The following DOC2A variants were observed in gnomAD, a reference collection of about 807,000 sequenced individuals.
The protein encoded by DOC2A is double C2 domain alpha, also known as double C2-like domain-containing protein alpha.
Under a neutral mutation model 40.6 loss-of-function variants are expected in DOC2A, and 28 were observed. The observed-to-expected ratio is 0.69, with a 90% CI of 0.51 to 0.95. DOC2A has a LOEUF of 0.95. Among genes scored for constraint, DOC2A ranks in the 40% least tolerant of loss-of-function variants. The pLI is 0.00. For missense variants in DOC2A, 474 were observed against 552.5 expected (o/e 0.86, Z 1.42); for synonymous variants, 241 against 236.9 (o/e 1.02, Z -0.16).
chr16:30,008,783 GGT>G, intron 5 of DOC2A: 1 of 549,182 alleles, frequency 1.8e-6, no homozygotes, highest in Non-Finnish European at 3.3e-6. Flanking sequence ...TGGGATTACA[GGT>G]GTGAGCCACC....
chr16:30,020,610 C>T (rs754119682), intron 1 of DOC2A, among the ~76,000 whole-genome samples: 8 of 151,900 alleles, frequency 5.3e-5, no homozygotes, highest in South Asian at 2.1e-4. Context: ...TAGGAGGCCG[C>T]GGAGGGCAGA....
upstream of DOC2A, among the ~76,000 whole-genome samples, chr16:30,014,710 C>T (rs927117991): frequency 2.0e-5 from 3 of 151,204 alleles, no homozygotes; most frequent in African/African-American, 4.9e-5. Context: ...GAGGCCGAGG[C>T]GGGAGGATCA....
upstream of DOC2A, among the ~76,000 whole-genome samples, chr16:30,013,297 G>A (rs1283332034): frequency 7.5e-6 from 1 of 132,480 alleles, no homozygotes. Flanking sequence ...ATGGAGTCTC[G>A]CTCTGTCGCC....
At chr16:30,016,438 T>C (rs1235727282), upstream of DOC2A, among the ~76,000 whole-genome samples, 2 of 152,038 alleles carry the variant, frequency 1.3e-5, no homozygotes, top group East Asian at 1.9e-4. Context: ...CACAGTGCAG[T>C]GTGAAAGCCG....
chr16:30,013,777 C>T (rs977038760), upstream of DOC2A, among the ~76,000 whole-genome samples: 3 of 149,802 alleles, frequency 2.0e-5, no homozygotes, highest in Non-Finnish European at 3.0e-5. Context: ...TGCAATGGTG[C>T]GATCTTGGCT....
intron 7 of DOC2A, 27 bp downstream of exon 7, chr16:30,007,004 C>A: frequency 6.2e-7 from 1 of 1,613,858 alleles, no homozygotes; most frequent in Admixed American, 1.7e-5. Flanking sequence ...CACCCACATG[C>A]ATCCCCATCC....
chr16:30,018,128 A>T (rs1480072915), intron 1 of DOC2A, among the ~76,000 whole-genome samples: 1 of 130,658 alleles, frequency 7.7e-6, no homozygotes, highest in Non-Finnish European at 1.7e-5. Context: ...AAAAAAAAAA[A>T]ACTTAGCTGG....
rs2070762000 is a variant in DOC2A at position 30,010,962 on chromosome 16, C to CCCA, written c.-74_-73insTGG. 11 of 1,010,830 alleles carry CCCA rather than the reference C, an allele frequency of 1.1e-5. No homozygotes were observed. In the South Asian group the frequency reaches 3.2e-4, roughly 30 times the overall value. 62.6% of individuals were successfully genotyped at this position (1,010,830 alleles called of 1,614,324 possible). ...ACGGCGGGCGCAGGCTGGGCGGCGG[C>CCCA]GGCCGGCGAGGAGAGCGCGGAGTCG... On this transcript the variant is annotated 5_prime_UTR_variant, in exon 1 of 11. Transcript: ENST00000350119. The surrounding 1 kb of genome is among the most constrained non-coding windows in gnomAD (Gnocchi z 4.2).
At position 30,010,966 on chromosome 16, in the gene DOC2A, C is replaced by G; in HGVS notation, c.-77G>C. 1 of 1,009,854 alleles carries G rather than the reference C, an allele frequency of 9.9e-7. No homozygotes were observed. The highest frequency in any genetic ancestry group is 1.2e-6 in the Non-Finnish European group (1 of 844,996). The allele number at this position is 1,009,854 out of a possible 1,614,324, so 62.6% of individuals were successfully genotyped here. A position where few individuals can be genotyped will look rare whatever the true frequency, so the allele number is the denominator to read the frequency against. ...CGGGCGCAGGCTGGGCGGCGGCGGC[C>G]GGCGAGGAGAGCGCGGAGTCGAGCT... On this transcript the variant is annotated 5_prime_UTR_variant, in exon 1 of 11. Transcript: ENST00000350119. This position sits in a 1 kb window ranked among gnomAD's most constrained non-coding sequence, Gnocchi z 4.2.
upstream of DOC2A, chr16:30,011,326 T>C (rs2070774934): frequency 3.1e-6 from 3 of 982,304 alleles, no homozygotes; most frequent in South Asian, 1.4e-4. Flanking sequence ...GCTGGCACAC[T>C]TACCCGGAGA....
In DOC2A at chr16:30,010,672, C is replaced by T. The variant is rs1423509201; in HGVS notation, c.-14+231G>A. Among the ~76,000 whole-genome samples the T allele has an allele frequency of 2.0e-5, 3 of 152,176 alleles. No homozygotes were observed. Among genetic ancestry groups the T allele is most frequent in the Admixed American group, 6.5e-5 (1 of 15,288 alleles). On this transcript the variant is annotated intron_variant, in intron 1 of 10. Transcript: ENST00000350119. The surrounding 1 kb of genome is among the most constrained non-coding windows in gnomAD (Gnocchi z 4.2). Reference sequence around the variant, plus strand: ...AGGGTGTCACCCACCCCTCTAGGCTCCAACTGCCCACTGTCCCCTCATTCA... The same window carrying T: ...AGGGTGTCACCCACCCCTCTAGGCTTCAACTGCCCACTGTCCCCTCATTCA...
chr16:30,006,353 T>G lies in DOC2A; in HGVS notation c.1058-22A>C, dbSNP rs765050481. ...CCACCTGGGGAGCAGGTGGGCAGGG[T>G]CAGGGCCACCTCCCTGCCACTTGCC... On this transcript the variant is annotated intron_variant, in intron 10 of 10. Coordinates refer to ENST00000350119, the MANE Select transcript of DOC2A (RefSeq NM_003586.3). This position sits in a 1 kb window ranked among gnomAD's most constrained non-coding sequence, Gnocchi z 6.2. 49 of 1,612,142 alleles carry G rather than the reference T, an allele frequency of 3.0e-5. No homozygotes were observed. Among genetic ancestry groups the G allele is most frequent in the East Asian group, 8.9e-5 (4 of 44,802 alleles).
chr16:30,009,598 A>T lies in DOC2A; in HGVS notation c.263-41T>A. ...AGGCAGCATGGGTCGGTATGGAGAC[A>T]GGTGTGTGCGAGAGGCCAGCAGGTG... On this transcript the variant is annotated intron_variant, in intron 2 of 10. Coordinates refer to ENST00000350119, the MANE Select transcript of DOC2A (RefSeq NM_003586.3). The surrounding 1 kb of genome is among the most constrained non-coding windows in gnomAD (Gnocchi z 4.1). The T allele has an allele frequency of 6.6e-7, 1 of 1,526,404 alleles. No homozygotes were observed. Among genetic ancestry groups the T allele is most frequent in the Non-Finnish European group, 8.9e-7 (1 of 1,127,292 alleles). 94.6% of individuals were successfully genotyped at this position (1,526,404 alleles called of 1,614,324 possible).
chr16:30,010,200 C>G lies in DOC2A; in HGVS notation c.23G>C (p.Arg8Pro), dbSNP rs771071631. The G allele has an allele frequency of 1.9e-6, 3 of 1,613,818 alleles. No homozygotes were observed. The highest frequency in any genetic ancestry group is 3.3e-5 in the Admixed American group (2 of 60,010). Residue 8 changes from arginine to proline, a missense_variant, in exon 2 of 11, where the codon CGC (arginine) becomes CCC (proline). Coordinates refer to ENST00000350119, the MANE Select transcript of DOC2A (RefSeq NM_003586.3). This position sits in a 1 kb window ranked among gnomAD's most constrained non-coding sequence, Gnocchi z 4.2. ...GTGCTCCTGGATGTTGATGGTCATG[C>G]GATCGCCCCTGCGGCCCCTCATGCA... The part of the protein sequence containing the change: MRGRRGD[R>P]MTINIQEHMA...
At chr16:30,016,953 G>A (rs1052709193), upstream of DOC2A, among the ~76,000 whole-genome samples, 1 of 152,196 alleles carries the variant, frequency 6.6e-6, no homozygotes, top group Non-Finnish European at 1.5e-5. Flanking sequence ...AAAAGGAGTT[G>A]TCTCAACTGA....
At position 30,005,805 on chromosome 16, in the gene DOC2A, C is replaced by G; in HGVS notation, c.*381G>C. On this transcript the variant is annotated 3_prime_UTR_variant, in exon 11 of 11. Coordinates refer to ENST00000350119, the MANE Select transcript of DOC2A (RefSeq NM_003586.3). ...AGTGGCTCTGGGTTTGTTTTTTGTC[C>G]TTTTTTTTTGAGACATTCTCCTCCT... The G allele has an allele frequency of 4.5e-6, 2 of 443,872 alleles. No individual in the cohort carries two copies. The highest frequency in any genetic ancestry group is 5.5e-5 in the South Asian group (2 of 36,678). The allele number at this position is 443,872 out of a possible 1,614,324, so 27.5% of individuals were successfully genotyped here. A position where few individuals can be genotyped will look rare whatever the true frequency, so the allele number is the denominator to read the frequency against.
At chr16:30,013,506 T>C (rs1161998055), upstream of DOC2A, 1 of 147,674 alleles carries the variant, frequency 6.8e-6, no homozygotes, top group Admixed American at 6.8e-5. Flanking sequence ...GACCTCGTGA[T>C]GGTGGGAGGA....
chr16:30,009,871 C>G lies in DOC2A; in HGVS notation c.262+90G>C, dbSNP rs1197299367. 1.3e-6 allele frequency: 2 copies of G among 1,503,320 alleles called. No homozygotes were observed. The allele number at this position is 1,503,320 out of a possible 1,614,324, so 93.1% of individuals were successfully genotyped here. A position where few individuals can be genotyped will look rare whatever the true frequency, so the allele number is the denominator to read the frequency against. ...TGCCCTCCTCCCCTACCTACATGCACAGCCAGCAGGGCCCATCCCCCTCTC... is the reference window on the plus strand; with the variant it reads ...TGCCCTCCTCCCCTACCTACATGCAGAGCCAGCAGGGCCCATCCCCCTCTC... On this transcript the variant is annotated intron_variant, in intron 2 of 10. Transcript: ENST00000350119. The surrounding 1 kb of genome is among the most constrained non-coding windows in gnomAD (Gnocchi z 4.1).
At position 30,010,205 on chromosome 16, in the gene DOC2A, G is replaced by A. The variant is rs775405719; in HGVS notation, c.18C>T (p.Gly6=). The change falls in exon 2 of 11, where the codon GGC becomes GGT. Residue 6 remains glycine (G), a synonymous_variant. Transcript: ENST00000350119. This position sits in a 1 kb window ranked among gnomAD's most constrained non-coding sequence, Gnocchi z 4.2. ...CCTGGATGTTGATGGTCATGCGATC[G>A]CCCCTGCGGCCCCTCATGCAGCACC... MRGRR[G]DRMTINIQEH... 6 of 1,613,874 alleles carry A rather than the reference G, an allele frequency of 3.7e-6. No homozygotes were observed. The highest frequency in any genetic ancestry group is 2.2e-5 in the East Asian group (1 of 44,878).
Sources: allele counts gnomAD v4.1 joint callset (sites outside exome capture counted in the v4.1 genomes callset), GRCh38; gene constraint gnomAD v4.1.1; non-coding constraint Gnocchi (gnomAD v3.1); transcripts MANE v1.5; gene names NCBI Gene and HGNC (gene_info 2026-07-23, HGNC 2026-07-21).